The following KDM4C variants were observed in gnomAD, a reference collection of about 807,000 sequenced individuals.
The protein encoded by KDM4C is lysine demethylase 4C, also known as lysine-specific demethylase 4C.
In KDM4C, 81 loss-of-function variants were observed where a neutral mutation model predicts 129.3. The observed-to-expected ratio is 0.63, with a 90% CI of 0.52 to 0.75. The LOEUF (loss-of-function observed/expected upper bound fraction) is 0.75, where lower values mean the gene tolerates loss of function less well. Among genes scored for constraint, KDM4C ranks in the 30% least tolerant of loss-of-function variants. KDM4C has a pLI of 0.00. For missense variants in KDM4C, 1,457 were observed against 1,304.0 expected, an observed-to-expected ratio of 1.12 and a Z score of -1.81; for synonymous variants, 573 against 456.1, an observed-to-expected ratio of 1.26 and a Z score of -3.26.
rs116592838 is a variant in KDM4C, at chr9:7,115,606, T to A, written c.2610+11736T>A. 1.4e-3 allele frequency among the ~76,000 whole-genome samples: 219 copies of A among 152,274 alleles called. 2 individuals carry two copies. Among genetic ancestry groups the A allele is most frequent in the African/African-American group, 5.0e-3 (206 of 41,560 alleles). ...ATGAAAACCTTAGATACTGACAAAA[T>A]GTAATGAAAGTATATTTTTAAGACT... On this transcript the variant is annotated intron_variant, in intron 18 of 21. Transcript: ENST00000381309.
At chr9:7,050,101 C>T (rs1012726759) in intron 17 of KDM4C, among the ~76,000 whole-genome samples, 1 of 152,028 alleles carries the variant, frequency 6.6e-6, no homozygotes, top group African/African-American at 2.4e-5. Context: ...GTCTCTGGGG[C>T]TCTCTTATAG....
At chr9:6,751,610 A>G (rs1818065614) in intron 1 of KDM4C, among the ~76,000 whole-genome samples, 2 of 152,208 alleles carry the variant, frequency 1.3e-5, no homozygotes, top group South Asian at 4.1e-4. Context: ...ACAAGGACCC[A>G]AACTATATTA....
At chr9:7,094,084 C>T (rs111449031) in intron 17 of KDM4C, among the ~76,000 whole-genome samples, 3 of 152,370 alleles carry the variant, frequency 2.0e-5, no homozygotes, top group African/African-American at 4.8e-5. Context: ...CTGTTACCAT[C>T]TTTACCTATC....
At chr9:6,825,072 A>C (rs753240112) in intron 4 of KDM4C, among the ~76,000 whole-genome samples, 18 of 151,278 alleles carry the variant, frequency 1.2e-4, no homozygotes, top group Non-Finnish European at 2.4e-4. Context: ...CTCAAACCCA[A>C]GAGGCAGAGG....
chr9:7,091,458 C>G (rs918512077), intron 17 of KDM4C, among the ~76,000 whole-genome samples: 1 of 152,060 alleles, frequency 6.6e-6, no homozygotes, highest in South Asian at 2.1e-4. Context: ...GTTTTTCCCT[C>G]TAGGAAAAGG....
At chr9:7,131,406 A>G (rs568612684) in intron 19 of KDM4C, among the ~76,000 whole-genome samples, 48 of 152,252 alleles carry the variant, frequency 3.2e-4, no homozygotes, top group African/African-American at 1.1e-3. Context: ...GGTTCTCCAG[A>G]GAAGCGGAAC....
At chr9:7,048,577 T>A (rs891886693) in intron 16 of KDM4C, among the ~76,000 whole-genome samples, 1 of 152,082 alleles carries the variant, frequency 6.6e-6, no homozygotes, top group Non-Finnish European at 1.5e-5. Flanking sequence ...ATAGTAAGAT[T>A]GCAGCAAGAA....
At chr9:6,844,245 C>G (rs1190742386) in intron 4 of KDM4C, among the ~76,000 whole-genome samples, 2 of 152,082 alleles carry the variant, frequency 1.3e-5, no homozygotes, top group Non-Finnish European at 2.9e-5. Flanking sequence ...TCTTCATTTA[C>G]AAATATCTTT....
intron 12 of KDM4C, among the ~76,000 whole-genome samples, chr9:7,001,377 T>C (rs780439170): frequency 9.2e-5 from 14 of 152,180 alleles, no homozygotes; most frequent in Non-Finnish European, 1.5e-4. Flanking sequence ...TCTTGAGGAG[T>C]AAACTTGATA....
intron 9 of KDM4C, 95 bp downstream of exon 9, chr9:6,981,213 T>G: frequency 1.1e-6 from 1 of 927,394 alleles, no homozygotes; most frequent in Non-Finnish European, 1.6e-6. Flanking sequence ...CTTTTTCTAT[T>G]TATTCATCAT....
intron 4 of KDM4C, among the ~76,000 whole-genome samples, chr9:6,831,379 T>TTTTA (rs1291944380): frequency 6.7e-6 from 1 of 148,556 alleles, no homozygotes; most frequent in African/African-American, 2.5e-5. Context: ...TTTTATTTAT[T>TTTTA]TTTTTTGAGA....
intron 4 of KDM4C, among the ~76,000 whole-genome samples, chr9:6,845,877 T>G (rs768545161): frequency 1.4e-4 from 22 of 152,256 alleles, no homozygotes; most frequent in Non-Finnish European, 2.4e-4. Flanking sequence ...GTCTGTGAAC[T>G]TGGGCTGGTG....
At chr9:6,829,925 G>T (rs1834530575) in intron 4 of KDM4C, among the ~76,000 whole-genome samples, 1 of 152,134 alleles carries the variant, frequency 6.6e-6, no homozygotes. Flanking sequence ...AGATATAAAA[G>T]CCTGTGTTTT....
intron 19 of KDM4C, among the ~76,000 whole-genome samples, chr9:7,137,694 T>C (rs1004145774): frequency 2.6e-5 from 4 of 152,230 alleles, no homozygotes; most frequent in Admixed American, 6.5e-5. Flanking sequence ...ATATGGCGAA[T>C]GGCAAGAGCT....
At chr9:6,957,441 G>T (rs985304384) in intron 8 of KDM4C, among the ~76,000 whole-genome samples, 1 of 152,114 alleles carries the variant, frequency 6.6e-6, no homozygotes, top group African/African-American at 2.4e-5. Context: ...GTTCTTTCCA[G>T]GGAAAAGAAA....
rs1424768401 is a variant in KDM4C, at chr9:6,897,243, A to G, written c.921+4011A>G. Among the ~76,000 whole-genome samples, 3 of 152,268 alleles carry G rather than the reference A, an allele frequency of 2.0e-5. No homozygotes were observed. The East Asian group carries it at 5.8e-4, about 29-fold the overall frequency. On this transcript the variant is annotated intron_variant, in intron 8 of 21. Transcript: ENST00000381309. ...TATGGATTGTGTAGAAGATCTGGGG[A>G]AAATAGGCAGAGGAGAGAGTGAAGG...
chr9:6,825,135 A>T (rs1029104056), intron 4 of KDM4C, among the ~76,000 whole-genome samples: 6 of 143,850 alleles, frequency 4.2e-5, no homozygotes, highest in African/African-American at 1.6e-4. Flanking sequence ...AACCAGAGTG[A>T]AACTCGGTCT....
intron 8 of KDM4C, among the ~76,000 whole-genome samples, chr9:6,898,069 C>T (rs561577312): frequency 6.6e-6 from 1 of 152,172 alleles, no homozygotes; most frequent in East Asian, 1.9e-4. Flanking sequence ...TTCATTTTTC[C>T]GTTTGCTGGG....
chr9:6,925,919 G>C (rs1249468438), intron 8 of KDM4C, among the ~76,000 whole-genome samples: 1 of 152,150 alleles, frequency 6.6e-6, no homozygotes, highest in African/African-American at 2.4e-5. Flanking sequence ...CCGCAGCTTA[G>C]CTTGGGATAT....
Sources: allele counts gnomAD v4.1 joint callset (sites outside exome capture counted in the v4.1 genomes callset), GRCh38; gene constraint gnomAD v4.1.1; transcripts MANE v1.5; gene names NCBI Gene and HGNC (gene_info 2026-07-23, HGNC 2026-07-21).